Variants in BCO1 observed in about 807,000 individuals in gnomAD.
BCO1 encodes beta,beta-carotene 15,15'-dioxygenase.
Under a neutral mutation model 56.3 loss-of-function variants are expected in BCO1, and 54 were observed. The observed-to-expected ratio is 0.96, with a 90% CI of 0.77 to 1.20. BCO1 has a LOEUF of 1.20. BCO1 is among the 50% of genes most tolerant of loss of function. The probability of loss-of-function intolerance (pLI) is 0.00; values close to 1 mark genes in which losing one functional copy is unlikely to be tolerated. For synonymous variants in BCO1, 318 were observed against 266.1 expected, an observed-to-expected ratio of 1.20 and a Z score of -1.90; for missense variants, 801 against 690.9, an observed-to-expected ratio of 1.16 and a Z score of -1.79.
intron 1 of BCO1, among the ~76,000 whole-genome samples, chr16:81,243,364 C>T (rs1365348475): frequency 6.6e-6 from 1 of 152,142 alleles, no homozygotes; most frequent in Non-Finnish European, 1.5e-5. Context: ...CCCTGGCCCC[C>T]GTTATTTCTG....
intron 7 of BCO1, among the ~76,000 whole-genome samples, chr16:81,272,309 A>G (rs35745117): frequency 0.14 from 20,795 of 151,320 alleles, 1,650 homozygotes; most frequent in Middle Eastern, 0.3. Context: ...TAGTAGAGAC[A>G]GGGTTTCACC....
intron 10 of BCO1, 68 bp downstream of exon 10, chr16:81,287,474 A>G: frequency 7.9e-7 from 1 of 1,260,830 alleles, no homozygotes; most frequent in East Asian, 2.3e-5. Context: ...CAGAGACACC[A>G]TCTGGGGGCA....
At chr16:81,254,981 G>A (rs954007194) in intron 2 of BCO1, among the ~76,000 whole-genome samples, 10 of 152,048 alleles carry the variant, frequency 6.6e-5, no homozygotes, top group African/African-American at 2.4e-4. Flanking sequence ...ATGGGGTCTC[G>A]CCATGCTGCC....
At chr16:81,250,744 C>G (rs1441644892) in intron 2 of BCO1, among the ~76,000 whole-genome samples, 1 of 152,016 alleles carries the variant, frequency 6.6e-6, no homozygotes, top group Non-Finnish European at 1.5e-5. Flanking sequence ...CCATGCCCAG[C>G]TAATTTTTGT....
In BCO1 at chr16:81,270,317, C is replaced by G. The variant is rs760657951; in HGVS notation, c.1002C>G (p.Leu334=). 6.2e-7 allele frequency: 1 copy of G among 1,614,154 alleles called. No homozygotes were observed. The highest frequency in any genetic ancestry group is 8.5e-7 in the Non-Finnish European group (1 of 1,180,038). ...IAYEDNSLYQ[L]FYLANLNQDF... is the part of the protein sequence containing the mutation. ...ACGAGGACAACAGCCTCTACCAGCT[C>G]TTCTACCTGGCCAACCTGAACCAGG... The change falls in exon 7 of 11, where the codon CTC becomes CTG. Residue 334 remains leucine, a synonymous_variant. Transcript: ENST00000258168.
At chr16:81,267,444 C>G (rs1906897391) in intron 5 of BCO1, among the ~76,000 whole-genome samples, 1 of 152,162 alleles carries the variant, frequency 6.6e-6, no homozygotes, top group Admixed American at 6.5e-5. Flanking sequence ...AAAACCCCAT[C>G]TCTACTAAAA....
chr16:81,279,844 T>C (rs984017294), intron 7 of BCO1, among the ~76,000 whole-genome samples: 9 of 152,216 alleles, frequency 5.9e-5, no homozygotes, highest in African/African-American at 2.2e-4. Context: ...TAATTTTTAT[T>C]GCATGTTTGT....
At chr16:81,262,048 G>C in intron 3 of BCO1, 88 bp from the exon 4 acceptor site, 1 of 1,500,506 alleles carries the variant, frequency 6.7e-7, no homozygotes, top group Middle Eastern at 1.8e-4. Context: ...GCATTTTTAA[G>C]TGGTAGGAAA....
At chr16:81,257,064 C>G (rs535384776) in intron 2 of BCO1, among the ~76,000 whole-genome samples, 1 of 152,094 alleles carries the variant, frequency 6.6e-6, no homozygotes, top group African/African-American at 2.4e-5. Context: ...GCTTACAGAC[C>G]TCTTAGCGGG....
At chr16:81,267,323 C>T (rs982727911) in intron 5 of BCO1, among the ~76,000 whole-genome samples, 1 of 152,072 alleles carries the variant, frequency 6.6e-6, no homozygotes, top group Non-Finnish European at 1.5e-5. Flanking sequence ...TATAAAACCC[C>T]TAATTATGGC....
At position 81,270,293 on chromosome 16, in the gene BCO1, C is replaced by T. The variant is rs558968785; in HGVS notation, c.978C>T (p.Tyr326=). 3.6e-5 allele frequency: 58 copies of T among 1,614,190 alleles called. No homozygotes were observed. Among genetic ancestry groups the T allele is most frequent in the South Asian group, 5.5e-5 (5 of 91,076 alleles). The stretch of plus-strand genomic sequence containing the variant: ...GCATCGTGTTTGACGTCATTGCCTA[C>T]GAGGACAACAGCCTCTACCAGCTCT... The part of the protein sequence containing the change: ...DGCIVFDVIA[Y]EDNSLYQLFY... Residue 326 remains tyrosine, a synonymous_variant, in exon 7 of 11, where the codon TAC becomes TAT. Transcript: ENST00000258168.
intron 7 of BCO1, among the ~76,000 whole-genome samples, chr16:81,270,866 T>A (rs1338758897): frequency 1.3e-5 from 2 of 152,034 alleles, no homozygotes; most frequent in Non-Finnish European, 2.9e-5. Flanking sequence ...TGCCTCAGCC[T>A]CTGGAGTAGC....
At chr16:81,248,297 G>A (rs1330025593) in intron 2 of BCO1, among the ~76,000 whole-genome samples, 2 of 151,698 alleles carry the variant, frequency 1.3e-5, no homozygotes, top group South Asian at 4.2e-4. Flanking sequence ...CAGCTACTTG[G>A]GAGGCTGAGA....
chr16:81,243,038 A>T lies in BCO1; in HGVS notation c.65-2437A>T, dbSNP rs116128321. On this transcript the variant is annotated intron_variant, in intron 1 of 10. Transcript: ENST00000258168. ...CACTGATCTATATGGAATCCAGAAC[A>T]GGCAAATCCATAGGAAAGAAGATGG... Among the ~76,000 whole-genome samples, 1,378 of 152,256 alleles carry T rather than the reference A, an allele frequency of 9.1e-3. 18 individuals are homozygous for T. Among genetic ancestry groups the T allele is most frequent in the African/African-American group, 0.032 (1,313 of 41,544 alleles).
intron 1 of BCO1, among the ~76,000 whole-genome samples, chr16:81,241,120 C>A (rs1007212044): frequency 6.6e-6 from 1 of 152,098 alleles, no homozygotes; most frequent in African/African-American, 2.4e-5. Context: ...AGGCGTGAAC[C>A]ACCATGCCCG....
intron 1 of BCO1, 30 bp from the exon 2 acceptor site, chr16:81,245,445 C>A: frequency 6.2e-7 from 1 of 1,614,144 alleles, no homozygotes; most frequent in East Asian, 2.2e-5. Flanking sequence ...CAGGTGGAAA[C>A]GGGAAACTAA....
At chr16:81,254,295 A>ATTTTTT (rs57961725) in intron 2 of BCO1, among the ~76,000 whole-genome samples, 29 of 78,286 alleles carry the variant, frequency 3.7e-4, no homozygotes, top group African/African-American at 6.9e-4. Context: ...CGCCCGGCTA[A>ATTTTTT]TTTTTTTTTT....
At chr16:81,273,114 C>T (rs572422167) in intron 7 of BCO1, among the ~76,000 whole-genome samples, 2 of 152,264 alleles carry the variant, frequency 1.3e-5, no homozygotes, top group South Asian at 4.1e-4. Flanking sequence ...GGATTACAGG[C>T]ATGTGCCAGC....
intron 2 of BCO1, among the ~76,000 whole-genome samples, chr16:81,248,238 C>A (rs988120969): frequency 6.6e-6 from 1 of 151,672 alleles, no homozygotes; most frequent in Admixed American, 6.6e-5. Flanking sequence ...CCCGTCTCTA[C>A]TAAAAATACA....
Sources: gnomAD v4.1 joint callset for allele counts (sites outside exome capture counted in the v4.1 genomes callset) on GRCh38, gnomAD v4.1.1 for gene constraint, MANE v1.5 for transcripts, NCBI Gene and HGNC (gene_info 2026-07-23, HGNC 2026-07-21) for gene names.